Variants in GRM5 observed in about 807,000 individuals in gnomAD.
GRM5 encodes metabotropic glutamate receptor 5.
Under a neutral mutation model 83.1 loss-of-function variants are expected in GRM5, and 19 were observed. The observed-to-expected ratio is 0.23, with a 90% CI of 0.16 to 0.34. The LOEUF (loss-of-function observed/expected upper bound fraction) is 0.34, where lower values mean the gene tolerates loss of function less well. Ranked by LOEUF, GRM5 falls within the 10% of genes least tolerant of loss-of-function variation. The probability of loss-of-function intolerance (pLI) is 1.00; values close to 1 mark genes in which losing one functional copy is unlikely to be tolerated. For missense variants in GRM5, 1,160 were observed against 1,588.3 expected, an observed-to-expected ratio of 0.73 and a Z score of 4.58; for synonymous variants, 675 against 633.6, an observed-to-expected ratio of 1.07 and a Z score of -0.98.
chr11:88,727,002 T>G (rs2135402065), intron 3 of GRM5, among the ~76,000 whole-genome samples: 1 of 152,298 alleles, frequency 6.6e-6, no homozygotes, highest in East Asian at 1.9e-4. Flanking sequence ...AATAACCAGC[T>G]AGCATCATAA....
At chr11:88,736,127 G>T (rs1941908862) in intron 3 of GRM5, among the ~76,000 whole-genome samples, 1 of 151,940 alleles carries the variant, frequency 6.6e-6, no homozygotes, top group Non-Finnish European at 1.5e-5. Flanking sequence ...CTCAGTTAAA[G>T]GTATTGAACA....
intron 2 of GRM5, among the ~76,000 whole-genome samples, chr11:88,854,075 T>TAC (rs1240705719): frequency 6.7e-6 from 1 of 149,698 alleles, no homozygotes; most frequent in Non-Finnish European, 1.5e-5. Flanking sequence ...TATATATATA[T>TAC]ATACACAATG....
intron 4 of GRM5, among the ~76,000 whole-genome samples, chr11:88,652,680 T>G (rs1196002626): frequency 6.6e-6 from 1 of 152,048 alleles, no homozygotes; most frequent in Non-Finnish European, 1.5e-5. Flanking sequence ...CATCACAATT[T>G]TATATAGCAA....
intron 7 of GRM5, among the ~76,000 whole-genome samples, chr11:88,583,663 T>A (rs1943257775): frequency 6.6e-6 from 1 of 152,202 alleles, no homozygotes; most frequent in Non-Finnish European, 1.5e-5. Flanking sequence ...TAAAGATCTT[T>A]AGAGCTCTTA....
intron 2 of GRM5, among the ~76,000 whole-genome samples, chr11:89,020,961 G>T (rs1185719845): frequency 6.6e-6 from 1 of 152,120 alleles, no homozygotes; most frequent in Non-Finnish European, 1.5e-5. Flanking sequence ...TGTTTACCAA[G>T]GCTATTTCCT....
At chr11:88,721,112 C>T (rs1941527783) in intron 3 of GRM5, among the ~76,000 whole-genome samples, 1 of 151,834 alleles carries the variant, frequency 6.6e-6, no homozygotes, top group African/African-American at 2.4e-5. Context: ...AATCACACAA[C>T]CTTAAAATAG....
At chr11:88,995,544 CAAAAAAAAAAAAAAA>C (rs1022656205) in intron 2 of GRM5, among the ~76,000 whole-genome samples, 1 of 16,898 alleles carries the variant, frequency 5.9e-5, no homozygotes, top group African/African-American at 1.2e-4. Flanking sequence ...GACTCCATCT[CAAAAAAAAAAAAAAA>C]AAAAAAAAAA....
At chr11:88,529,107 T>C (rs1333290275) in intron 8 of GRM5, among the ~76,000 whole-genome samples, 2 of 152,074 alleles carry the variant, frequency 1.3e-5, no homozygotes, top group African/African-American at 4.8e-5. Context: ...GATAGGACTT[T>C]AAATTTTGTT....
intron 2 of GRM5, chr11:88,984,941 T>G (rs1393773968): frequency 3.4e-6 from 2 of 589,798 alleles, no homozygotes; most frequent in African/African-American, 3.8e-5. Context: ...TTTTAATAAT[T>G]TGACTCACTT....
At chr11:88,745,687 A>G (rs969394481) in intron 3 of GRM5, among the ~76,000 whole-genome samples, 2 of 152,180 alleles carry the variant, frequency 1.3e-5, no homozygotes, top group African/African-American at 2.4e-5. Context: ...GTGTCTCTCT[A>G]TTTAATTCCA....
intron 2 of GRM5, among the ~76,000 whole-genome samples, chr11:88,858,330 G>C (rs531679578): frequency 8.6e-5 from 13 of 151,900 alleles, no homozygotes; most frequent in African/African-American, 3.1e-4. Context: ...ACTATGCATC[G>C]CCCCACTCGT....
rs192890841 is a variant in GRM5, at chr11:88,769,678, T to C, written c.911+80228A>G. Among the ~76,000 whole-genome samples the C allele has an allele frequency of 9.3e-4, 141 of 152,108 alleles. 1 individual carries two copies. Among genetic ancestry groups the C allele is most frequent in the Non-Finnish European group, 1.1e-3 (76 of 67,976 alleles). ...TGAAAGAACTCCTAGTGGACAAAGA[T>C]TGACAATTTGAGCAGCAAAATAGTG... On this transcript the variant is annotated intron_variant, in intron 3 of 9. Coordinates refer to ENST00000305447, the MANE Select transcript of GRM5 (RefSeq NM_001143831.3).
intron 2 of GRM5, among the ~76,000 whole-genome samples, chr11:89,004,255 G>A (rs1336131462): frequency 6.6e-6 from 1 of 152,172 alleles, no homozygotes; most frequent in African/African-American, 2.4e-5. Flanking sequence ...TAAGAGAGAT[G>A]TCTAAGGTAG....
intron 2 of GRM5, among the ~76,000 whole-genome samples, chr11:88,975,624 A>G (rs1029788501): frequency 9.2e-5 from 14 of 152,218 alleles, no homozygotes; most frequent in African/African-American, 2.9e-4. Context: ...ATGGAAATGT[A>G]AAATCCTAGG....
chr11:88,651,271 G>T (rs1939624304), intron 4 of GRM5, among the ~76,000 whole-genome samples: 1 of 151,986 alleles, frequency 6.6e-6, no homozygotes, highest in African/African-American at 2.4e-5. Flanking sequence ...AGGCATTTCA[G>T]ACCAAAAAAC....
intron 4 of GRM5, among the ~76,000 whole-genome samples, chr11:88,638,381 A>G (rs1939198824): frequency 6.6e-6 from 1 of 152,116 alleles, no homozygotes; most frequent in African/African-American, 2.4e-5. Flanking sequence ...ATCAGTGTTC[A>G]TGAGGTCTAT....
At chr11:88,779,250 G>A (rs1428267488) in intron 3 of GRM5, among the ~76,000 whole-genome samples, 1 of 152,182 alleles carries the variant, frequency 6.6e-6, no homozygotes, top group Admixed American at 6.6e-5. Flanking sequence ...TAGGAACCCT[G>A]TAAGGATTAT....
intron 3 of GRM5, among the ~76,000 whole-genome samples, chr11:88,760,872 C>T (rs79613613): frequency 0.016 from 2,503 of 152,172 alleles, 70 homozygotes; most frequent in African/African-American, 0.057. Context: ...ATCAAGTAGG[C>T]GTTATCTCTG....
At chr11:88,902,995 G>GAAAAGAAA (rs1461818517) in intron 2 of GRM5, among the ~76,000 whole-genome samples, 1 of 112,416 alleles carries the variant, frequency 8.9e-6, no homozygotes, top group Non-Finnish European at 1.8e-5. Context: ...GAAAAGGAAA[G>GAAAAGAAA]AAAAGAAAGC....
Sources: allele counts gnomAD v4.1 joint callset (sites outside exome capture counted in the v4.1 genomes callset), GRCh38; gene constraint gnomAD v4.1.1; transcripts MANE v1.5; gene names NCBI Gene and HGNC (gene_info 2026-07-23, HGNC 2026-07-21).